RGS8: variants seen among roughly 807,000 people sequenced by gnomAD.
RGS8 encodes regulator of G protein signaling 8.
A neutral mutation model predicts 21.7 loss-of-function variants in RGS8; 8 were observed. The ratio of observed to expected loss-of-function variants is 0.37; its 90% CI spans 0.22 to 0.66. The LOEUF (loss-of-function observed/expected upper bound fraction) is 0.66, where lower values mean the gene tolerates loss of function less well. Ranked by LOEUF, RGS8 falls within the 30% of genes least tolerant of loss-of-function variation. RGS8 has a pLI of 0.59. For synonymous variants in RGS8, 80 were observed against 83.6 expected, an observed-to-expected ratio of 0.96 and a Z score of 0.24; for missense variants, 157 against 217.9, an observed-to-expected ratio of 0.72 and a Z score of 1.76.
At chr1:182,705,579 TGAGTATGAAG>T in the RGS8 span, among the ~76,000 whole-genome samples, 2 of 135,544 alleles carry the variant, frequency 1.5e-5, no homozygotes, top group African/African-American at 5.8e-5. Context: ...TTGATGTGGG[TGAGTATGAAG>T]GAGAAGGCCT....
chr1:182,719,600 C>T, the RGS8 span, among the ~76,000 whole-genome samples: 7 of 151,730 alleles, frequency 4.6e-5, no homozygotes, highest in East Asian at 1.4e-3. Flanking sequence ...CCTGCTTCCC[C>T]CTACCTTCCC....
At chr1:182,700,309 G>C in the RGS8 span, among the ~76,000 whole-genome samples, 4 of 152,310 alleles carry the variant, frequency 2.6e-5, no homozygotes, top group Middle Eastern at 3.4e-3. Flanking sequence ...GATGGAAGCA[G>C]GTGTAACCAC....
upstream of RGS8, among the ~76,000 whole-genome samples, chr1:182,675,972 A>G (rs1664342339): frequency 6.6e-6 from 1 of 152,114 alleles, no homozygotes; most frequent in African/African-American, 2.4e-5. Context: ...GAGTTCGTGA[A>G]AAAAAAATCT....
At chr1:182,688,401 G>T (rs1361068241), upstream of RGS8, among the ~76,000 whole-genome samples, 2 of 151,766 alleles carry the variant, frequency 1.3e-5, no homozygotes, top group Non-Finnish European at 2.9e-5. Context: ...AAGAAAGAAG[G>T]AAAGAATGAA....
At chr1:182,669,780 G>A in intron 2 of RGS8, 28 bp from the exon 4 acceptor site, 3 of 1,543,680 alleles carry the variant, frequency 1.9e-6, no homozygotes, top group East Asian at 2.3e-5. Flanking sequence ...GCTGTAAGAG[G>A]GGCCACCCTC....
At chr1:182,741,168 C>T in the RGS8 span, among the ~76,000 whole-genome samples, 2 of 148,084 alleles carry the variant, frequency 1.4e-5, no homozygotes, top group African/African-American at 5.0e-5. Context: ...GACGGGGCGG[C>T]TGGCCGGGTG....
At chr1:182,676,949 G>A (rs112440378), upstream of RGS8, among the ~76,000 whole-genome samples, 196 of 152,296 alleles carry the variant, frequency 1.3e-3, no homozygotes, top group African/African-American at 4.5e-3. Context: ...AAAGAAATGA[G>A]AAAGTCTATG....
upstream of RGS8, among the ~76,000 whole-genome samples, chr1:182,688,616 A>T (rs772282949): frequency 2.6e-5 from 4 of 152,202 alleles, no homozygotes; most frequent in Non-Finnish European, 5.9e-5. Flanking sequence ...GGCAGACTCA[A>T]TCAAATCATA....
the RGS8 span, among the ~76,000 whole-genome samples, chr1:182,728,135 T>C: frequency 2.0e-5 from 3 of 152,222 alleles, no homozygotes; most frequent in Non-Finnish European, 2.9e-5. Context: ...CACACCAACA[T>C]TCAAAATGTC....
At chr1:182,750,918 AAG>A in the RGS8 span, among the ~76,000 whole-genome samples, 1 of 152,256 alleles carries the variant, frequency 6.6e-6, no homozygotes, top group Non-Finnish European at 1.5e-5. Context: ...GATATGCAGA[AAG>A]AGCACAGATG....
At chr1:182,662,193 A>G (rs946093591) in intron 5 of RGS8, among the ~76,000 whole-genome samples, 2 of 152,192 alleles carry the variant, frequency 1.3e-5, no homozygotes, top group Admixed American at 6.5e-5. Flanking sequence ...CTGAGATTTC[A>G]GCCTATGAGG....
In RGS8 at chr1:182,646,918, C is replaced by CT. The variant is rs766170369; in HGVS notation, c.361-2dup. On this transcript the variant is annotated splice_acceptor_variant, in intron 6 of 6. Transcript: ENST00000483095. LOFTEE classifies it high-confidence loss of function. ...CTCGGGTCTGGAAGTCAATGTTTAC[C>CT]TAGAGATACAAACAGAGAGCAAGGT... is the stretch of plus-strand genomic sequence containing the variant. The CT allele has an allele frequency of 1.6e-5, 26 of 1,612,102 alleles. No individual in the cohort carries two copies. The South Asian group carries it at 2.9e-4, about 18-fold the overall frequency.
At chr1:182,750,391 C>T in the RGS8 span, among the ~76,000 whole-genome samples, 1 of 152,136 alleles carries the variant, frequency 6.6e-6, no homozygotes, top group African/African-American at 2.4e-5. Flanking sequence ...TAGTTCAGAT[C>T]CTTGACTTTA....
the RGS8 span, among the ~76,000 whole-genome samples, chr1:182,741,084 G>T: frequency 6.6e-6 from 1 of 151,512 alleles, no homozygotes; most frequent in Non-Finnish European, 1.5e-5. Context: ...CCTCCCAGAC[G>T]GGGTGGTGGC....
At chr1:182,680,801 T>C (rs780506901) in intron 1 of RGS8, among the ~76,000 whole-genome samples, 1 of 152,156 alleles carries the variant, frequency 6.6e-6, no homozygotes. Flanking sequence ...GCTCAGTTAA[T>C]GTATGTTGAG....
chr1:182,726,421 A>G, the RGS8 span, among the ~76,000 whole-genome samples: 7 of 152,178 alleles, frequency 4.6e-5, no homozygotes, highest in Non-Finnish European at 8.8e-5. Flanking sequence ...CTGTAATCCC[A>G]GTACTTTGGG....
chr1:182,667,949 C>T (rs1177149493), intron 3 of RGS8, among the ~76,000 whole-genome samples: 4 of 152,052 alleles, frequency 2.6e-5, no homozygotes, highest in South Asian at 2.1e-4. Context: ...CCTGAGTAGC[C>T]GGGATTACAG....
chr1:182,689,895 C>T, the RGS8 span, among the ~76,000 whole-genome samples: 1 of 152,236 alleles, frequency 6.6e-6, no homozygotes, highest in Non-Finnish European at 1.5e-5. Context: ...CTCAAGGTCA[C>T]TTCTAGGGAA....
At chr1:182,749,786 G>C in the RGS8 span, among the ~76,000 whole-genome samples, 2 of 152,124 alleles carry the variant, frequency 1.3e-5, no homozygotes, top group African/African-American at 4.8e-5. Context: ...TGTTACACAG[G>C]TAAATGTGTG....
Sources: allele counts gnomAD v4.1 joint callset (sites outside exome capture counted in the v4.1 genomes callset), GRCh38; gene constraint gnomAD v4.1.1; transcripts MANE v1.5; gene names NCBI Gene and HGNC (gene_info 2026-07-23, HGNC 2026-07-21).